Variants in ZSWIM6 observed in about 807,000 individuals in gnomAD.
The protein encoded by ZSWIM6 is zinc finger SWIM-type containing 6.
A neutral mutation model predicts 113.2 loss-of-function variants in ZSWIM6; 9 were observed. The ratio of observed to expected loss-of-function variants is 0.08; its 90% CI spans 0.05 to 0.14. The LOEUF (loss-of-function observed/expected upper bound fraction) is 0.14. ZSWIM6 is among the 10% of genes least tolerant of loss of function. ZSWIM6 has a pLI of 1.00. For missense variants in ZSWIM6, 1,162 were observed against 1,552.2 expected (o/e 0.75, Z 4.22); for synonymous variants, 611 against 606.5 (o/e 1.01, Z -0.11).
At chr5:61,522,069 A>G (rs1039060108) in intron 5 of ZSWIM6, among the ~76,000 whole-genome samples, 99 of 146,678 alleles carry the variant, frequency 6.7e-4, no homozygotes, top group African/African-American at 2.3e-3. Context: ...CCTCTGTCTC[A>G]TTTCTGTCCT....
intron 1 of ZSWIM6, among the ~76,000 whole-genome samples, chr5:61,366,927 C>CA (rs34423967): frequency 0.18 from 15,525 of 85,910 alleles, 1,021 homozygotes; most frequent in Middle Eastern, 0.26. Flanking sequence ...TCTGCTGTCT[C>CA]AAAAAAAAAA....
chr5:61,496,336 G>T (rs1163905125), intron 4 of ZSWIM6, among the ~76,000 whole-genome samples: 2 of 152,078 alleles, frequency 1.3e-5, no homozygotes, highest in Non-Finnish European at 2.9e-5. Flanking sequence ...CATTTTAATG[G>T]GGTCTAAGTT....
intron 5 of ZSWIM6, among the ~76,000 whole-genome samples, chr5:61,525,330 T>C (rs1749247462): frequency 6.6e-6 from 1 of 152,240 alleles, no homozygotes; most frequent in South Asian, 2.1e-4. Flanking sequence ...ACAACCCTTA[T>C]GCATATCTTT....
chr5:61,525,669 C>A, intron 5 of ZSWIM6, 131 bp from the exon 6 acceptor site: 1 of 1,047,000 alleles, frequency 9.6e-7, no homozygotes, highest in Non-Finnish European at 1.4e-6. Context: ...TCACCCTTCA[C>A]CCTTCTGCTT....
At chr5:61,516,311 C>T (rs562188349) in intron 4 of ZSWIM6, among the ~76,000 whole-genome samples, 3 of 148,798 alleles carry the variant, frequency 2.0e-5, no homozygotes, top group African/African-American at 7.3e-5. Flanking sequence ...TTTCTATTAT[C>T]CTTTGTGTTT....
At chr5:61,363,036 G>T (rs1479733151) in intron 1 of ZSWIM6, among the ~76,000 whole-genome samples, 1 of 152,172 alleles carries the variant, frequency 6.6e-6, no homozygotes, top group African/African-American at 2.4e-5. Flanking sequence ...CCTCTTAGTG[G>T]TTCAGGAACC....
At chr5:61,394,169 C>T (rs190247974) in intron 1 of ZSWIM6, among the ~76,000 whole-genome samples, 1 of 152,304 alleles carries the variant, frequency 6.6e-6, no homozygotes, top group Admixed American at 6.5e-5. Flanking sequence ...AAGGCAAGCT[C>T]TTATGATTAA....
intron 1 of ZSWIM6, among the ~76,000 whole-genome samples, chr5:61,437,759 C>T (rs1369024720): frequency 2.0e-5 from 3 of 151,130 alleles, no homozygotes; most frequent in Admixed American, 2.0e-4. Flanking sequence ...TAGTTGACTC[C>T]TAGAACCATG....
intron 1 of ZSWIM6, among the ~76,000 whole-genome samples, chr5:61,349,279 C>G (rs1351402519): frequency 1.3e-5 from 2 of 151,994 alleles, no homozygotes; most frequent in Non-Finnish European, 2.9e-5. Flanking sequence ...AAAAAAAATT[C>G]TGGCAAATTT....
At position 61,336,084 on chromosome 5, in the gene ZSWIM6, T is replaced by C. The variant is rs111341698; in HGVS notation, c.676+3136T>C. 4.7e-4 allele frequency among the ~76,000 whole-genome samples: 72 copies of C among 151,900 alleles called. 2 individuals carry two copies. The highest frequency in any genetic ancestry group is 1.7e-3 in the African/African-American group (71 of 41,432). ...TCTAGACCAGACTGGGCAACATGGT[T>C]AAACCCTGTCCCTACCAAAAATAGA... On this transcript the variant is annotated intron_variant, in intron 1 of 13. Transcript: ENST00000252744.
At chr5:61,451,406 A>G (rs1191866191) in intron 1 of ZSWIM6, among the ~76,000 whole-genome samples, 1 of 152,174 alleles carries the variant, frequency 6.6e-6, no homozygotes, top group East Asian at 1.9e-4. Context: ...AGGGCTTTTT[A>G]TGAATAACTT....
intron 1 of ZSWIM6, among the ~76,000 whole-genome samples, chr5:61,366,962 C>A (rs1214679069): frequency 6.7e-6 from 1 of 148,738 alleles, no homozygotes; most frequent in African/African-American, 2.5e-5. Context: ...GAAGGCAATG[C>A]CTTATATACA....
At chr5:61,520,580 T>C (rs1749086447) in intron 4 of ZSWIM6, among the ~76,000 whole-genome samples, 1 of 152,112 alleles carries the variant, frequency 6.6e-6, no homozygotes, top group African/African-American at 2.4e-5. Flanking sequence ...GATTAAATCA[T>C]TTAGGGAAGT....
intron 2 of ZSWIM6, among the ~76,000 whole-genome samples, chr5:61,480,711 A>G (rs978645760): frequency 6.6e-6 from 1 of 152,168 alleles, no homozygotes; most frequent in South Asian, 2.1e-4. Flanking sequence ...CATTTTTCAG[A>G]GGTCTTCTAG....
intron 4 of ZSWIM6, among the ~76,000 whole-genome samples, chr5:61,509,437 G>A (rs548977384): frequency 2.0e-5 from 3 of 152,278 alleles, no homozygotes; most frequent in South Asian, 2.1e-4. Context: ...GAGGGAAGCC[G>A]AAGGAAGAGT....
At chr5:61,486,951 C>A (rs947582422) in intron 2 of ZSWIM6, among the ~76,000 whole-genome samples, 1 of 152,132 alleles carries the variant, frequency 6.6e-6, no homozygotes, top group East Asian at 1.9e-4. Context: ...TCCCATTTCT[C>A]TATTTTTGTT....
At chr5:61,333,696 A>G (rs1579935147) in intron 1 of ZSWIM6, among the ~76,000 whole-genome samples, 1 of 152,072 alleles carries the variant, frequency 6.6e-6, no homozygotes, top group African/African-American at 2.4e-5. Flanking sequence ...TCTCGCCCGT[A>G]GGACGCTTAC....
At chr5:61,533,655 A>G (rs1018137037) in intron 9 of ZSWIM6, among the ~76,000 whole-genome samples, 1 of 152,210 alleles carries the variant, frequency 6.6e-6, no homozygotes, top group African/African-American at 2.4e-5. Context: ...GAATAGTACA[A>G]AAAAGGTAAT....
intron 5 of ZSWIM6, 129 bp downstream of exon 5, chr5:61,521,571 A>G (rs1749122298): frequency 1.6e-6 from 1 of 629,402 alleles, no homozygotes; most frequent in Non-Finnish European, 2.4e-6. Context: ...CCAGTACTTA[A>G]TATGTGTTGA....
Sources: allele counts gnomAD v4.1 joint callset (sites outside exome capture counted in the v4.1 genomes callset), GRCh38; gene constraint gnomAD v4.1.1; transcripts MANE v1.5; gene names NCBI Gene and HGNC (gene_info 2026-07-23, HGNC 2026-07-21).